The following IGFBP5 variants were observed in gnomAD, a reference collection of about 807,000 sequenced individuals.
IGFBP5 encodes the protein insulin like growth factor binding protein 5, also known as insulin-like growth factor-binding protein 5.
In IGFBP5, 12 loss-of-function variants were observed where a neutral mutation model predicts 28.0. The ratio of observed to expected loss-of-function variants is 0.43; its 90% confidence interval spans 0.27 to 0.69. IGFBP5 has a LOEUF of 0.69. Ranked by LOEUF, IGFBP5 falls within the 30% of genes least tolerant of loss-of-function variation. The pLI is 0.20. For synonymous variants in IGFBP5, 152 were observed against 150.2 expected, an observed-to-expected ratio of 1.01 and a Z score of -0.09; for missense variants, 344 against 381.6, an observed-to-expected ratio of 0.90 and a Z score of 0.82.
intron 1 of IGFBP5, among the ~76,000 whole-genome samples, chr2:216,682,583 A>G (rs1688988636): frequency 6.6e-6 from 1 of 152,180 alleles, no homozygotes; most frequent in Non-Finnish European, 1.5e-5. Context: ...CGTGAACAGC[A>G]AAAGAACTCA....
rs769351322 is a variant in IGFBP5 at position 216,675,484 on chromosome 2, G to A, written c.*1267C>T. On this transcript the variant is annotated 3_prime_UTR_variant, in exon 4 of 4. Coordinates refer to ENST00000233813, the MANE Select transcript of IGFBP5 (RefSeq NM_000599.4). ...CGTGCTGTGTGCACCACGGAGGGCT[G>A]GCCTCTGCCTGGCTCGGTGGGTGCA... 1.3e-5 allele frequency: 2 copies of A among 152,414 alleles called. No individual in the cohort carries two copies. Among genetic ancestry groups the A allele is most frequent in the Non-Finnish European group, 2.9e-5 (2 of 68,090 alleles). The allele number at this position is 152,414 out of a possible 1,614,324, so 9.4% of individuals were successfully genotyped here.
rs1338463043 is a variant in IGFBP5, at chr2:216,673,929, G to T, written c.*2822C>A. On this transcript the variant is annotated 3_prime_UTR_variant, in exon 4 of 4. Coordinates refer to ENST00000233813, the MANE Select transcript of IGFBP5 (RefSeq NM_000599.4). This position sits in a 1 kb window ranked among gnomAD's most constrained non-coding sequence, Gnocchi z 4.3. ...TCCTGCATGCAGAAGAGACTCACAG[G>T]TTTGGGTTCGCAGGCACGAACTTTG... 2 of 152,620 alleles carry T rather than the reference G, an allele frequency of 1.3e-5. No homozygotes were observed. The highest frequency in any genetic ancestry group is 1.9e-4 in the East Asian group (1 of 5,188). 9.5% of individuals were successfully genotyped at this position (152,620 alleles called of 1,614,324 possible).
At position 216,676,812 on chromosome 2, in the gene IGFBP5, C is replaced by A; in HGVS notation, c.758G>T (p.Gly253Val). Residue 253 changes from glycine (G) to valine (V), a missense_variant, in exon 4 of 4, where the codon GGC becomes GTC. Around this residue, in one of 3 missense-constraint regions of IGFBP5, gnomAD observed 36 missense variants for 34.1 expected, o/e 1.06. Transcript: ENST00000233813. ...AAAGTCCCCGTCAACGTACTCCATG[C>A]CTGGCAGCTTCATCCCGTACTTGTC... Reference protein sequence around the residue: ...CVDKYGMKLPGMEYVDGDFQC... With the variant: ...CVDKYGMKLPVMEYVDGDFQC... The A allele has an allele frequency of 1.2e-6, 2 of 1,614,020 alleles. No individual in the cohort carries two copies. Among genetic ancestry groups the A allele is most frequent in the Non-Finnish European group, 1.7e-6 (2 of 1,179,932 alleles).
At position 216,694,340 on chromosome 2, in the gene IGFBP5, A is replaced by G. The variant is rs577018943; in HGVS notation, c.337+99T>C. The G allele has an allele frequency of 1.0e-5, 11 of 1,066,260 alleles. No homozygotes were observed. In the East Asian group the frequency reaches 3.0e-4, roughly 29 times the overall value. The allele number at this position is 1,066,260 out of a possible 1,614,324, so 66.0% of individuals were successfully genotyped here. A position where few individuals can be genotyped will look rare whatever the true frequency, so the allele number is the denominator to read the frequency against. On this transcript the variant is annotated intron_variant, in intron 1 of 3. Coordinates refer to ENST00000233813, the MANE Select transcript of IGFBP5 (RefSeq NM_000599.4). This position sits in a 1 kb window ranked among gnomAD's most constrained non-coding sequence, Gnocchi z 5.2. ...CCCGACTACTCCCGAGCTGCACCCC[A>G]GCTCGAAGCCACTTGCTGCGCAAAG...
rs1439055890 is a variant in IGFBP5 at position 216,695,505 on chromosome 2, T to C, written c.-730A>G. ...GAAAAAGCCCACACTGCTTTGCAGC[T>C]CTTTCCTAGCTCTTTTCCCCTGCAG... On this transcript the variant is annotated 5_prime_UTR_variant, in exon 1 of 4. Coordinates refer to ENST00000233813, the MANE Select transcript of IGFBP5 (RefSeq NM_000599.4). The C allele has an allele frequency of 6.6e-6, 1 of 152,198 alleles. No homozygotes were observed. Among genetic ancestry groups the C allele is most frequent in the Admixed American group, 6.5e-5 (1 of 15,288 alleles). The allele number at this position is 152,198 out of a possible 1,614,324, so 9.4% of individuals were successfully genotyped here.
intron 1 of IGFBP5, among the ~76,000 whole-genome samples, chr2:216,683,899 C>T (rs1689007453): frequency 6.6e-6 from 1 of 152,232 alleles, no homozygotes; most frequent in African/African-American, 2.4e-5. Flanking sequence ...CCTCTGGCCC[C>T]TGCCACATTT....
chr2:216,678,851 T>C lies in IGFBP5; in HGVS notation c.566A>G (p.Gln189Arg). Residue 189 changes from glutamine (Q) to arginine (R), a missense_variant and splice_region_variant, in exon 2 of 4, where the codon CAG becomes CGG. Gln to Arg is a conservative substitution (Grantham distance 43). Transcript: ENST00000233813. Reference protein sequence around the residue: ...SAPEMRQESEQGPCRRHMEAS... With the variant: ...SAPEMRQESERGPCRRHMEAS... ...AATGAGGGAATCCCCGAGATGCACC[T>C]GCTCAGACTCCTGTCTCATCTCAGG... is the stretch of plus-strand genomic sequence containing the variant. 2 of 1,611,358 alleles carry C rather than the reference T, an allele frequency of 1.2e-6. No homozygotes were observed. Among genetic ancestry groups the C allele is most frequent in the Non-Finnish European group, 1.7e-6 (2 of 1,177,642 alleles).
intron 1 of IGFBP5, among the ~76,000 whole-genome samples, chr2:216,685,580 C>T (rs1436081328): frequency 3.9e-5 from 6 of 152,198 alleles, no homozygotes; most frequent in Admixed American, 2.6e-4. Flanking sequence ...TTGCAGCCAC[C>T]AGCCCCTCCC....
At chr2:216,690,953 G>T (rs549381380) in intron 1 of IGFBP5, among the ~76,000 whole-genome samples, 101 of 151,724 alleles carry the variant, frequency 6.7e-4, no homozygotes, top group African/African-American at 2.2e-3. Flanking sequence ...GCCCCATCTC[G>T]TTTTCCCAAC....
rs541253336 is a variant in IGFBP5, at chr2:216,686,166, G to A, written c.338-7087C>T. Among the ~76,000 whole-genome samples, 6 of 152,276 alleles carry A rather than the reference G, an allele frequency of 3.9e-5. No individual in the cohort carries two copies. In the East Asian group the frequency reaches 1.2e-3, roughly 29 times the overall value. On this transcript the variant is annotated intron_variant, in intron 1 of 3. Transcript: ENST00000233813. ...GCCCCCCTACCCCATTTTAGGCCGG[G>A]AGAAATAGCATGGTTAGGTACTCTA...
At chr2:216,677,534 G>A (rs1320136130) in intron 3 of IGFBP5, among the ~76,000 whole-genome samples, 1 of 152,198 alleles carries the variant, frequency 6.6e-6, no homozygotes, top group Non-Finnish European at 1.5e-5. Context: ...GTAAGTGGCA[G>A]AGCCAAGATT....
rs1028807528 is a variant in IGFBP5 at position 216,679,896 on chromosome 2, G to T, written c.338-817C>A. Among the ~76,000 whole-genome samples, 2 of 152,208 alleles carry T rather than the reference G, an allele frequency of 1.3e-5. No homozygotes were observed. The highest frequency in any genetic ancestry group is 2.9e-5 in the Non-Finnish European group (2 of 68,028). ...GCTGAGACCGGGACAGTTATATATA[G>T]GAGTGGCTTGCTGACAGTCTATACT... On this transcript the variant is annotated intron_variant, in intron 1 of 3. Coordinates refer to ENST00000233813, the MANE Select transcript of IGFBP5 (RefSeq NM_000599.4). This position sits in a 1 kb window ranked among gnomAD's most constrained non-coding sequence, Gnocchi z 4.6.
intron 1 of IGFBP5, among the ~76,000 whole-genome samples, chr2:216,689,310 T>C (rs1478340169): frequency 6.6e-6 from 1 of 152,150 alleles, no homozygotes; most frequent in African/African-American, 2.4e-5. Flanking sequence ...AAAGCTGGGG[T>C]GAACACCCCT....
rs558417423 is a variant in IGFBP5, at chr2:216,672,991, C to T, written c.*3760G>A. On this transcript the variant is annotated 3_prime_UTR_variant, in exon 4 of 4. Coordinates refer to ENST00000233813, the MANE Select transcript of IGFBP5 (RefSeq NM_000599.4). ...CTCGTCCCTCCTCCACTTTGCAAAA[C>T]GGAGCCTCCTTTCTCTTGGAAGCCA... 15 of 152,858 alleles carry T rather than the reference C, an allele frequency of 9.8e-5. 1 individual carries two copies. Among genetic ancestry groups the T allele is most frequent in the Middle Eastern group, 3.4e-3 (1 of 294 alleles). 9.5% of individuals were successfully genotyped at this position (152,858 alleles called of 1,614,324 possible).
At position 216,675,415 on chromosome 2, in the gene IGFBP5, G is replaced by A. The variant is rs1688882805; in HGVS notation, c.*1336C>T. The A allele has an allele frequency of 6.5e-6, 1 of 152,728 alleles. No homozygotes were observed. Among genetic ancestry groups the A allele is most frequent in the Non-Finnish European group, 1.5e-5 (1 of 68,206 alleles). The allele number at this position is 152,728 out of a possible 1,614,324, so 9.5% of individuals were successfully genotyped here. On this transcript the variant is annotated 3_prime_UTR_variant, in exon 4 of 4. Coordinates refer to ENST00000233813, the MANE Select transcript of IGFBP5 (RefSeq NM_000599.4). Reference sequence around the variant, plus strand: ...ATGTGGTGTGGTGTCCGGAGACTGTGACTTCCTGAGGGTTTAAAGACTAAA... The same window carrying A: ...ATGTGGTGTGGTGTCCGGAGACTGTAACTTCCTGAGGGTTTAAAGACTAAA...
chr2:216,685,847 C>G (rs7426116), intron 1 of IGFBP5, among the ~76,000 whole-genome samples: 42,593 of 152,006 alleles, frequency 0.28, 6,409 homozygotes, highest in East Asian at 0.62. Context: ...AGCTGCCTGG[C>G]GCCAGTCTCT....
rs1688893784 is a variant in IGFBP5, at chr2:216,676,076, G to T, written c.*675C>A. On this transcript the variant is annotated 3_prime_UTR_variant, in exon 4 of 4. Transcript: ENST00000233813. ...CAATTATGAATTTGTTTTGCTTTCA[G>T]AGGAATGGAATGCATTTTAGTTTTT... 6.6e-6 allele frequency: 1 copy of T among 152,622 alleles called. No individual in the cohort carries two copies. Among genetic ancestry groups the T allele is most frequent in the Non-Finnish European group, 1.5e-5 (1 of 68,048 alleles). The allele number at this position is 152,622 out of a possible 1,614,324, so 9.5% of individuals were successfully genotyped here. A position where few individuals can be genotyped will look rare whatever the true frequency, so the allele number is the denominator to read the frequency against.
At chr2:216,689,354 A>C (rs1689066968) in intron 1 of IGFBP5, among the ~76,000 whole-genome samples, 1 of 152,220 alleles carries the variant, frequency 6.6e-6, no homozygotes, top group Admixed American at 6.5e-5. Flanking sequence ...TTCTCTGACC[A>C]AACCACTAGC....
intron 1 of IGFBP5, among the ~76,000 whole-genome samples, chr2:216,681,726 T>C (rs540007339): frequency 6.6e-6 from 1 of 152,292 alleles, no homozygotes; most frequent in Admixed American, 6.5e-5. Context: ...CTTTTCCAGC[T>C]GTCATTTTAG....
Sources: allele counts gnomAD v4.1 joint callset (sites outside exome capture counted in the v4.1 genomes callset), GRCh38; gene constraint gnomAD v4.1.1; regional missense constraint gnomAD v4.1.1; non-coding constraint Gnocchi (gnomAD v3.1); transcripts MANE v1.5; gene names NCBI Gene and HGNC (gene_info 2026-07-23, HGNC 2026-07-21).